Variants in NDST1 observed in about 807,000 individuals in gnomAD.
NDST1 encodes the protein N-deacetylase and N-sulfotransferase 1.
In NDST1, 35 loss-of-function variants were observed where a neutral mutation model predicts 92.8. The observed-to-expected ratio is 0.38, with a 90% CI of 0.29 to 0.50. NDST1 has a LOEUF of 0.50. Among genes scored for constraint, NDST1 ranks in the 20% least tolerant of loss-of-function variants. The pLI is 0.94. For synonymous variants in NDST1, 493 were observed against 500.3 expected (o/e 0.99, Z 0.19); for missense variants, 822 against 1,182.7 (o/e 0.69, Z 4.47).
chr5:150,548,375 A>G lies in NDST1; in HGVS notation c.2303A>G (p.Tyr768Cys), dbSNP rs1228238360. The G allele has an allele frequency of 1.2e-6, 2 of 1,612,256 alleles. No homozygotes were observed. The highest frequency in any genetic ancestry group is 1.7e-6 in the Non-Finnish European group (2 of 1,180,022). ...ATHIERWLSA[Y>C]HANQILVLDG... ...CACATCGAGCGCTGGCTCAGTGCCTATCACGCCAACCAGGTAGCTGCTGTC... is the reference window on the plus strand; with the variant it reads ...CACATCGAGCGCTGGCTCAGTGCCTGTCACGCCAACCAGGTAGCTGCTGTC... The change falls in exon 12 of 15, where the codon TAT becomes TGT. Residue 768 changes from tyrosine (Y) to cysteine (C), a missense_variant. Transcript: ENST00000261797.
Position 150,521,968 on chromosome 5 carries a change from T to TGCCAGGGGGATCGC in NDST1, c.513+202_513+215dup, listed in dbSNP as rs1754256669. 6.6e-6 allele frequency among the ~76,000 whole-genome samples: 1 copy of TGCCAGGGGGATCGC among 152,090 alleles called. No individual in the cohort carries two copies. The highest frequency in any genetic ancestry group is 1.5e-5 in the Non-Finnish European group (1 of 68,024). On this transcript the variant is annotated intron_variant, in intron 2 of 14. Transcript: ENST00000261797. The surrounding 1 kb of genome is among the most constrained non-coding windows in gnomAD (Gnocchi z 5.9). ...GTGCTTTGTAAGTATTAGGGGAGCGTGCCAGGGGGATCGCCTGCTGTGCGT... is the reference window on the plus strand; with the variant it reads ...GTGCTTTGTAAGTATTAGGGGAGCGTGCCAGGGGGATCGCGCCAGGGGGATCGCCTGCTGTGCGT...
chr5:150,507,198 G>A (rs543887158), upstream of NDST1, among the ~76,000 whole-genome samples: 12 of 152,250 alleles, frequency 7.9e-5, no homozygotes, highest in African/African-American at 2.9e-4. Flanking sequence ...GGCCACCCAC[G>A]TGGTGTGACA....
upstream of NDST1, among the ~76,000 whole-genome samples, chr5:150,504,163 C>A (rs1227132848): frequency 2.0e-5 from 3 of 152,226 alleles, no homozygotes; most frequent in Non-Finnish European, 4.4e-5. Context: ...TGTTTCCCAG[C>A]AGTTGAGCTG....
At chr5:150,506,632 T>A (rs1753471021), upstream of NDST1, among the ~76,000 whole-genome samples, 1 of 152,146 alleles carries the variant, frequency 6.6e-6, no homozygotes, top group Non-Finnish European at 1.5e-5. Flanking sequence ...ACGTTTCTGT[T>A]CTCTAGCTGT....
upstream of NDST1, among the ~76,000 whole-genome samples, chr5:150,504,829 A>G (rs1753378072): frequency 6.6e-6 from 1 of 152,220 alleles, no homozygotes; most frequent in South Asian, 2.1e-4. Context: ...GTAAACTCTC[A>G]GAAATGGTCA....
At chr5:150,523,002 G>A (rs1233268883) in intron 2 of NDST1, among the ~76,000 whole-genome samples, 1 of 152,228 alleles carries the variant, frequency 6.6e-6, no homozygotes, top group Non-Finnish European at 1.5e-5. Flanking sequence ...GTGCCCGTTT[G>A]TGCCAGGCCT....
upstream of NDST1, among the ~76,000 whole-genome samples, chr5:150,505,667 G>A (rs144333716): frequency 1.1e-4 from 17 of 152,294 alleles, no homozygotes; most frequent in East Asian, 1.9e-4. Flanking sequence ...TGCCCATTTC[G>A]GGGATTTGCT....
At chr5:150,514,336 G>GAA (rs1488993478) in intron 1 of NDST1, among the ~76,000 whole-genome samples, 1 of 152,196 alleles carries the variant, frequency 6.6e-6, no homozygotes, top group Non-Finnish European at 1.5e-5. Context: ...TTGGGAAGCC[G>GAA]AAGTGGGTGG....
intron 11 of NDST1, 31 bp downstream of exon 11, chr5:150,545,517 C>T (rs1441053706): frequency 1.2e-5 from 20 of 1,611,342 alleles, no homozygotes; most frequent in Non-Finnish European, 1.4e-5. Context: ...GTCCCTGTGT[C>T]GGGAACACAG....
At chr5:150,504,217 G>T (rs925073338), upstream of NDST1, among the ~76,000 whole-genome samples, 1 of 152,242 alleles carries the variant, frequency 6.6e-6, no homozygotes, top group Admixed American at 6.5e-5. Flanking sequence ...AGGGCTCATA[G>T]CCAGGCTGTC....
intron 10 of NDST1, 112 bp downstream of exon 10, chr5:150,543,083 A>G (rs1755318232): frequency 1.4e-6 from 2 of 1,410,394 alleles, no homozygotes; most frequent in Non-Finnish European, 2.0e-6. Flanking sequence ...CACAGCTGTC[A>G]TTCCTGTAAA....
chr5:150,515,413 T>C (rs1365905130), intron 1 of NDST1, among the ~76,000 whole-genome samples: 5 of 152,208 alleles, frequency 3.3e-5, no homozygotes, highest in African/African-American at 4.8e-5. Flanking sequence ...TGCATTTTGT[T>C]TGGGCTCCAG....
intron 2 of NDST1, among the ~76,000 whole-genome samples, chr5:150,525,459 A>G (rs529504862): frequency 2.0e-5 from 3 of 152,294 alleles, no homozygotes; most frequent in South Asian, 4.1e-4. Flanking sequence ...TTGTCCCCAC[A>G]CAGCCCAAGT....
chr5:150,522,241 C>T (rs1369923704), intron 2 of NDST1, among the ~76,000 whole-genome samples: 1 of 151,970 alleles, frequency 6.6e-6, no homozygotes, highest in Non-Finnish European at 1.5e-5. Context: ...GCTCTCTATC[C>T]CATGCTCTTC....
chr5:150,504,752 T>A (rs1168894398), upstream of NDST1, among the ~76,000 whole-genome samples: 3 of 152,180 alleles, frequency 2.0e-5, no homozygotes, highest in Non-Finnish European at 4.4e-5. Flanking sequence ...AATACTTAGT[T>A]GATAGGAATG....
intron 13 of NDST1, 137 bp downstream of exon 13, chr5:150,549,924 A>G: frequency 1.4e-6 from 1 of 697,798 alleles, no homozygotes. Context: ...AATATGACTT[A>G]AGTCATATTA....
intron 1 of NDST1, among the ~76,000 whole-genome samples, chr5:150,517,893 C>T (rs546846543): frequency 2.6e-5 from 4 of 152,354 alleles, no homozygotes; most frequent in South Asian, 2.1e-4. Flanking sequence ...GTGGGCAGGG[C>T]GCCATCAGGG....
At chr5:150,540,830 C>T (rs978918722) in intron 8 of NDST1, among the ~76,000 whole-genome samples, 3 of 152,164 alleles carry the variant, frequency 2.0e-5, no homozygotes, top group African/African-American at 7.2e-5. Context: ...CAAAAAACAA[C>T]TCCAAGTGAA....
chr5:150,547,438 AGCTCTGGCTTTCTGGACTTAGTGAATTCT>A (rs1755537267), intron 11 of NDST1, among the ~76,000 whole-genome samples: 1 of 152,178 alleles, frequency 6.6e-6, no homozygotes, highest in Non-Finnish European at 1.5e-5. Flanking sequence ...CAGGTGCCTG[AGCTCTGGCTTTCTGGACTTAGTGAATTCT>A]GCAGATTCGG....
Sources: gnomAD v4.1 joint callset for allele counts (sites outside exome capture counted in the v4.1 genomes callset) on GRCh38, gnomAD v4.1.1 for gene constraint, Gnocchi (gnomAD v3.1) non-coding constraint, MANE v1.5 for transcripts, NCBI Gene and HGNC (gene_info 2026-07-23, HGNC 2026-07-21) for gene names.